Variants in GUCY1A2 observed in about 807,000 individuals in gnomAD.
The protein encoded by GUCY1A2 is guanylate cyclase soluble subunit alpha-2.
GUCY1A2 carries 27 observed loss-of-function variants against 63.5 expected under a neutral mutation model. That is an observed-to-expected ratio of 0.43 (90% CI 0.31 to 0.59). GUCY1A2 has a LOEUF of 0.59. Among genes scored for constraint, GUCY1A2 ranks in the 20% least tolerant of loss-of-function variants. The pLI, the probability that GUCY1A2 is intolerant of heterozygous loss-of-function variation, is 0.11. For missense variants in GUCY1A2, 768 were observed against 913.3 expected (o/e 0.84, Z 2.05); for synonymous variants, 364 against 343.5 (o/e 1.06, Z -0.66).
intron 5 of GUCY1A2, among the ~76,000 whole-genome samples, chr11:106,795,021 T>G (rs1565160): frequency 0.36 from 54,176 of 152,000 alleles, 10,509 homozygotes; most frequent in Admixed American, 0.47. Flanking sequence ...TATTTTGAAT[T>G]ATGAATAGAC....
At chr11:106,803,263 A>C (rs889020039) in intron 5 of GUCY1A2, among the ~76,000 whole-genome samples, 2 of 152,176 alleles carry the variant, frequency 1.3e-5, no homozygotes, top group African/African-American at 4.8e-5. Flanking sequence ...CATCTTTATA[A>C]ATTCCATATT....
chr11:106,912,635 C>T (rs1284579257), intron 4 of GUCY1A2, among the ~76,000 whole-genome samples: 1 of 151,968 alleles, frequency 6.6e-6, no homozygotes, highest in Non-Finnish European at 1.5e-5. Context: ...ATTATGAAGG[C>T]TTGAGAATAA....
intron 1 of GUCY1A2, among the ~76,000 whole-genome samples, chr11:107,016,763 T>C (rs1431547525): frequency 6.7e-6 from 1 of 149,024 alleles, no homozygotes; most frequent in East Asian, 2.0e-4. Context: ...AGAGAATCCA[T>C]TGAGGAGAGA....
intron 4 of GUCY1A2, among the ~76,000 whole-genome samples, chr11:106,840,675 G>A (rs1442838509): frequency 1.3e-5 from 2 of 151,774 alleles, no homozygotes; most frequent in East Asian, 1.9e-4. Flanking sequence ...GATACTTTTT[G>A]TATTCTACTT....
At chr11:106,958,723 C>G (rs965812246) in intron 3 of GUCY1A2, among the ~76,000 whole-genome samples, 1 of 152,042 alleles carries the variant, frequency 6.6e-6, no homozygotes, top group Admixed American at 6.6e-5. Flanking sequence ...AATAGGAAGT[C>G]TATTTCAGAT....
rs913572182 is a variant in GUCY1A2, at chr11:106,685,945, C to T, written c.*1604G>A. ...GAAAATTTAAAAACATTAAATGAAC[C>T]TCATAGACTACATTGGAAATTAGTA... is the stretch of plus-strand genomic sequence containing the variant. On this transcript the variant is annotated 3_prime_UTR_variant, in exon 8 of 8. Coordinates refer to ENST00000526355, the MANE Select transcript of GUCY1A2 (RefSeq NM_000855.3). 8.9e-6 allele frequency: 2 copies of T among 223,714 alleles called. No individual in the cohort carries two copies. Among genetic ancestry groups the T allele is most frequent in the Non-Finnish European group, 8.9e-6 (1 of 111,958 alleles). 13.9% of individuals were successfully genotyped at this position (223,714 alleles called of 1,614,324 possible).
chr11:106,696,911 T>C lies in GUCY1A2; in HGVS notation c.1992-9155A>G, dbSNP rs550651127. Among the ~76,000 whole-genome samples the C allele has an allele frequency of 2.0e-5, 3 of 152,268 alleles. No homozygotes were observed. The South Asian group carries it at 6.2e-4, about 32-fold the overall frequency. On this transcript the variant is annotated intron_variant, in intron 7 of 7. Transcript: ENST00000526355. ...CATTTTAGAGTTTTTCTTTCCCCCA[T>C]ACAGGTTAGATAGAGACAAATTAGT...
At chr11:106,952,226 TC>T (rs1476261771) in intron 3 of GUCY1A2, among the ~76,000 whole-genome samples, 3 of 152,238 alleles carry the variant, frequency 2.0e-5, no homozygotes, top group African/African-American at 7.2e-5. Context: ...TACAGGGTCT[TC>T]TTTGATTCCA....
At chr11:106,849,458 G>C (rs1243475283) in intron 4 of GUCY1A2, among the ~76,000 whole-genome samples, 3 of 151,294 alleles carry the variant, frequency 2.0e-5, no homozygotes, top group African/African-American at 7.3e-5. Flanking sequence ...AAAGGAGGTA[G>C]CAATTAGTGT....
At chr11:106,934,707 T>C (rs764616828) in intron 4 of GUCY1A2, among the ~76,000 whole-genome samples, 13 of 152,194 alleles carry the variant, frequency 8.5e-5, no homozygotes, top group Non-Finnish European at 1.8e-4. Flanking sequence ...TTGTTATGCT[T>C]TTCCTCAGTT....
chr11:106,939,709 G>A lies in GUCY1A2; in HGVS notation c.957C>T (p.Ser319=). The change falls in exon 4 of 8, where the codon AGC becomes AGT. Residue 319 remains serine, a synonymous_variant. Transcript: ENST00000526355. ...GGAAGGCTCTACAGAAGGTGTTGAT[G>A]CTAATTCTGAGGTCCGCAGGAACTT... is the stretch of plus-strand genomic sequence containing the variant. ...TSQVPADLRI[S]INTFCRAFPF... The A allele has an allele frequency of 6.2e-7, 1 of 1,613,464 alleles. No individual in the cohort carries two copies. Among genetic ancestry groups the A allele is most frequent in the Non-Finnish European group, 8.5e-7 (1 of 1,179,388 alleles).
Position 106,963,593 on chromosome 11 carries a change from T to A in GUCY1A2, c.487+15026A>T, listed in dbSNP as rs150011493. Among the ~76,000 whole-genome samples, 258 of 152,114 alleles carry A rather than the reference T, an allele frequency of 1.7e-3. 3 individuals are homozygous for A. The highest frequency in any genetic ancestry group is 5.6e-3 in the African/African-American group (234 of 41,522). On this transcript the variant is annotated intron_variant, in intron 3 of 7. Transcript: ENST00000526355. Reference sequence around the variant, plus strand: ...GACACTATTCCAATTTCATCCTTAATCTCCATATCACCAAATCACGTTATA... The same window carrying A: ...GACACTATTCCAATTTCATCCTTAAACTCCATATCACCAAATCACGTTATA...
At chr11:106,905,367 T>A (rs1860190337) in intron 4 of GUCY1A2, among the ~76,000 whole-genome samples, 1 of 152,076 alleles carries the variant, frequency 6.6e-6, no homozygotes, top group African/African-American at 2.4e-5. Flanking sequence ...TTCTCACATA[T>A]CTGGAAGTTG....
chr11:106,848,721 G>C (rs1859311834), intron 4 of GUCY1A2, among the ~76,000 whole-genome samples: 1 of 151,594 alleles, frequency 6.6e-6, no homozygotes, highest in Non-Finnish European at 1.5e-5. Context: ...CTCCAAAAAT[G>C]ATTTTATAAC....
intron 3 of GUCY1A2, among the ~76,000 whole-genome samples, chr11:106,975,405 C>A (rs1007402435): frequency 1.3e-5 from 2 of 152,122 alleles, no homozygotes; most frequent in African/African-American, 4.8e-5. Context: ...CAGATTAGGG[C>A]TAGAAAAGAT....
intron 5 of GUCY1A2, among the ~76,000 whole-genome samples, chr11:106,786,167 T>C (rs372642490): frequency 7.9e-5 from 12 of 152,288 alleles, no homozygotes; most frequent in African/African-American, 2.9e-4. Flanking sequence ...TTGTACATAA[T>C]GATTTAGCAA....
chr11:106,977,471 T>A (rs2120115032), intron 3 of GUCY1A2, among the ~76,000 whole-genome samples: 1 of 152,330 alleles, frequency 6.6e-6, no homozygotes, highest in South Asian at 2.1e-4. Context: ...AACATCTATA[T>A]GCATCCCCTC....
chr11:106,871,074 A>G (rs1859670891), intron 4 of GUCY1A2, among the ~76,000 whole-genome samples: 1 of 110,946 alleles, frequency 9.0e-6, no homozygotes, highest in African/African-American at 3.4e-5. Flanking sequence ...GCAACTAATA[A>G]ACAATTTTAA....
chr11:106,718,199 G>A (rs1863250401), intron 6 of GUCY1A2, among the ~76,000 whole-genome samples: 1 of 152,124 alleles, frequency 6.6e-6, no homozygotes, highest in South Asian at 2.1e-4. Context: ...TTTACAGAAA[G>A]TATTTGACCA....
Sources: gnomAD v4.1 joint callset for allele counts (sites outside exome capture counted in the v4.1 genomes callset) on GRCh38, gnomAD v4.1.1 for gene constraint, MANE v1.5 for transcripts, NCBI Gene and HGNC (gene_info 2026-07-23, HGNC 2026-07-21) for gene names.